ERBB4: variants seen among roughly 807,000 people sequenced by gnomAD.
ERBB4 encodes receptor tyrosine-protein kinase erbB-4.
ERBB4 carries 42 observed loss-of-function variants against 158.0 expected under a neutral mutation model. That is an observed-to-expected ratio of 0.27 (90% confidence interval 0.21 to 0.34). The LOEUF is 0.34. ERBB4 is among the 10% of genes least tolerant of loss of function. ERBB4 has a pLI of 1.00. For missense variants in ERBB4, 1,333 were observed against 1,624.1 expected, an observed-to-expected ratio of 0.82 and a Z score of 3.08; for synonymous variants, 583 against 558.7, an observed-to-expected ratio of 1.04 and a Z score of -0.61.
intron 19 of ERBB4, among the ~76,000 whole-genome samples, chr2:211,570,543 G>T (rs989905250): frequency 7.0e-6 from 1 of 142,126 alleles, no homozygotes; most frequent in Non-Finnish European, 1.6e-5. Flanking sequence ...AAAAAAAAAA[G>T]CTTTCTACCT....
intron 20 of ERBB4, among the ~76,000 whole-genome samples, chr2:211,538,944 C>T (rs2066725685): frequency 6.6e-6 from 1 of 151,754 alleles, no homozygotes; most frequent in South Asian, 2.1e-4. Flanking sequence ...ACCAGTTCTC[C>T]CCATCTTGAT....
At position 212,493,461 on chromosome 2, in the gene ERBB4, T is replaced by C. The variant is rs535470944; in HGVS notation, c.82+44988A>G. Among the ~76,000 whole-genome samples the C allele has an allele frequency of 2.6e-5, 4 of 151,728 alleles. No homozygotes were observed. In the South Asian group the frequency reaches 8.3e-4, roughly 31 times the overall value. On this transcript the variant is annotated intron_variant, in intron 1 of 27. Coordinates refer to ENST00000342788, the MANE Select transcript of ERBB4 (RefSeq NM_005235.3). ...ATTATGATATGGTAAATATTGCTAA[T>C]ATTGTTTATGTTTAAGCTTCATTAC... is the stretch of plus-strand genomic sequence containing the variant.
chr2:212,315,090 T>C (rs909272365), intron 1 of ERBB4, among the ~76,000 whole-genome samples: 1 of 151,500 alleles, frequency 6.6e-6, no homozygotes, highest in African/African-American at 2.4e-5. Flanking sequence ...TTTTAAGTAC[T>C]GTAGGCAAGG....
At chr2:211,394,871 GA>G (rs1413104987) in intron 25 of ERBB4, among the ~76,000 whole-genome samples, 1 of 151,938 alleles carries the variant, frequency 6.6e-6, no homozygotes, top group Non-Finnish European at 1.5e-5. Flanking sequence ...CTACCTCCAG[GA>G]TTGTATTCTT....
At chr2:212,506,446 G>A (rs1691200906) in intron 1 of ERBB4, among the ~76,000 whole-genome samples, 2 of 151,940 alleles carry the variant, frequency 1.3e-5, no homozygotes, top group Non-Finnish European at 2.9e-5. Flanking sequence ...TAGGCCTTGT[G>A]TGTCAAACAG....
At chr2:212,186,965 G>C (rs1368580248) in intron 1 of ERBB4, among the ~76,000 whole-genome samples, 2 of 151,944 alleles carry the variant, frequency 1.3e-5, no homozygotes, top group African/African-American at 4.8e-5. Context: ...TTTTGAAGTA[G>C]AACACTTCTC....
chr2:212,227,887 AAAT>A (rs1242555127), intron 1 of ERBB4, among the ~76,000 whole-genome samples: 1 of 152,128 alleles, frequency 6.6e-6, no homozygotes, highest in East Asian at 1.9e-4. Flanking sequence ...CACATAGCAT[AAAT>A]AATAATGAGA....
intron 3 of ERBB4, among the ~76,000 whole-genome samples, chr2:211,879,965 T>C (rs1308416404): frequency 6.6e-6 from 1 of 150,666 alleles, no homozygotes; most frequent in Non-Finnish European, 1.5e-5. Context: ...TTAAACTCAA[T>C]ATATTATTAA....
chr2:212,364,780 A>C (rs1268001100), intron 1 of ERBB4, among the ~76,000 whole-genome samples: 1 of 151,658 alleles, frequency 6.6e-6, no homozygotes, highest in Admixed American at 6.6e-5. Flanking sequence ...GGCTATTAAG[A>C]CTGACTTGCA....
At chr2:212,490,357 TTC>T (rs1407134229) in intron 1 of ERBB4, among the ~76,000 whole-genome samples, 17 of 151,842 alleles carry the variant, frequency 1.1e-4, no homozygotes, top group African/African-American at 4.1e-4. Flanking sequence ...TTGCCACTGT[TTC>T]TCTTTCCCTC....
chr2:211,819,972 A>C (rs1411611824), intron 3 of ERBB4, among the ~76,000 whole-genome samples: 2 of 151,948 alleles, frequency 1.3e-5, no homozygotes, highest in Non-Finnish European at 2.9e-5. Context: ...TTTAGAACAG[A>C]TGAGACCCAC....
intron 20 of ERBB4, among the ~76,000 whole-genome samples, chr2:211,505,842 C>T (rs1281666778): frequency 6.6e-6 from 1 of 151,790 alleles, no homozygotes; most frequent in East Asian, 1.9e-4. Flanking sequence ...TGCCTATAAT[C>T]CCAGCTACTC....
At chr2:211,895,417 C>G (rs2079072097) in intron 3 of ERBB4, among the ~76,000 whole-genome samples, 1 of 152,100 alleles carries the variant, frequency 6.6e-6, no homozygotes, top group Admixed American at 6.6e-5. Flanking sequence ...ACCACTGTGT[C>G]TGGCTAATTT....
rs542168939 is a variant in ERBB4 at position 212,376,842 on chromosome 2, T to G, written c.82+161607A>C. Among the ~76,000 whole-genome samples, 90 of 152,022 alleles carry G rather than the reference T, an allele frequency of 5.9e-4. 1 individual carries two copies. The highest frequency in any genetic ancestry group is 1.2e-3 in the Non-Finnish European group (79 of 67,968). On this transcript the variant is annotated intron_variant, in intron 1 of 27. Transcript: ENST00000342788. ...ATATTTTTATCTTCTAATTTCATTT[T>G]TCCATGAAAGTTTTGAAGTCCCTTC...
chr2:211,457,480 C>A (rs973570484), intron 20 of ERBB4, among the ~76,000 whole-genome samples: 2 of 152,130 alleles, frequency 1.3e-5, no homozygotes, highest in Non-Finnish European at 2.9e-5. Flanking sequence ...AGGAATAGCA[C>A]AAAAGCTCCA....
intron 3 of ERBB4, among the ~76,000 whole-genome samples, chr2:211,902,761 T>C (rs1009565780): frequency 3.3e-5 from 5 of 151,798 alleles, no homozygotes; most frequent in Non-Finnish European, 7.4e-5. Flanking sequence ...TCAGACTATT[T>C]TGAACTATAA....
chr2:212,373,827 ATATATATATATCCATGTATATATCCATG>A (rs2090182258), intron 1 of ERBB4, among the ~76,000 whole-genome samples: 10 of 35,956 alleles, frequency 2.8e-4, no homozygotes, highest in Non-Finnish European at 4.8e-4. Context: ...ATATATCCAT[ATATATATATATCCATGTATATATCCATG>A]TATATATCCA....
chr2:212,274,054 C>G (rs2085439027), intron 1 of ERBB4, among the ~76,000 whole-genome samples: 1 of 150,212 alleles, frequency 6.7e-6, no homozygotes, highest in Admixed American at 6.7e-5. Context: ...GTGTTACATA[C>G]TATATTCTTA....
chr2:211,810,766 G>A (rs1008500646), intron 3 of ERBB4, among the ~76,000 whole-genome samples: 66 of 143,020 alleles, frequency 4.6e-4, no homozygotes, highest in South Asian at 2.1e-3. Context: ...TCCGCTTCCC[G>A]GGTTCACGCC....
Sources: gnomAD v4.1 joint callset for allele counts (sites outside exome capture counted in the v4.1 genomes callset) on GRCh38, gnomAD v4.1.1 for gene constraint, MANE v1.5 for transcripts, NCBI Gene and HGNC (gene_info 2026-07-23, HGNC 2026-07-21) for gene names.